Variants in HYDIN observed in about 807,000 individuals in gnomAD.
The protein encoded by HYDIN is axonemal central pair apparatus protein HYDIN.
In HYDIN, 132 loss-of-function variants were observed where a neutral mutation model predicts 403.9. The ratio of observed to expected loss-of-function variants is 0.33; its 90% CI spans 0.28 to 0.38. HYDIN has a LOEUF of 0.38. HYDIN is among the 10% of genes least tolerant of loss of function. The probability of loss-of-function intolerance (pLI) is 1.00; values close to 1 mark genes in which losing one functional copy is unlikely to be tolerated. For missense variants in HYDIN, 2,827 were observed against 5,009.5 expected (o/e 0.56, Z 13.15); for synonymous variants, 1,202 against 1,891.7 (o/e 0.64, Z 9.46).
chr16:71,134,280 G>A (rs1203692762), intron 8 of HYDIN, among the ~76,000 whole-genome samples: 2 of 151,068 alleles, frequency 1.3e-5, no homozygotes, highest in Non-Finnish European at 1.5e-5. Context: ...CATGCTTTAA[G>A]CTATGTTAAA....
rs1237307916 is a variant in HYDIN at position 70,992,229 on chromosome 16, G to T, written c.3645-19C>A. The T allele has an allele frequency of 6.5e-6, 10 of 1,527,888 alleles. No homozygotes were observed. Among genetic ancestry groups the T allele is most frequent in the Non-Finnish European group, 8.8e-6 (10 of 1,139,470 alleles). 94.6% of individuals were successfully genotyped at this position (1,527,888 alleles called of 1,614,324 possible). On this transcript the variant is annotated intron_variant, in intron 23 of 85. Coordinates refer to ENST00000393567, the MANE Select transcript of HYDIN (RefSeq NM_001270974.2). ...CACAAACCTACCAAAGCATGGGACAGGGAATAGGGGGAGACAGGAGACATC... is the reference window on the plus strand; with the variant it reads ...CACAAACCTACCAAAGCATGGGACATGGAATAGGGGGAGACAGGAGACATC...
At position 70,831,529 on chromosome 16, in the gene HYDIN, C is replaced by CAA. The variant is rs57465488; in HGVS notation, c.13899+1317_13899+1318dup. The stretch of plus-strand genomic sequence containing the variant: ...GTCTCAGAAAAAAAAAAAAAAAAAC[C>CAA]AAAAAAAAAAAAAACAAGAAACAAA... On this transcript the variant is annotated intron_variant, in intron 80 of 85. Transcript: ENST00000393567. 6.7e-3 allele frequency among the ~76,000 whole-genome samples: 612 copies of CAA among 91,406 alleles called. 5 individuals are homozygous for CAA. The highest frequency in any genetic ancestry group is 0.025 in the African/African-American group (593 of 24,034). 60.0% of individuals were successfully genotyped at this position (91,406 alleles called of 152,430 possible).
At chr16:70,954,865 C>T (rs192226200) in intron 40 of HYDIN, among the ~76,000 whole-genome samples, 158 of 152,334 alleles carry the variant, frequency 1.0e-3, no homozygotes, top group Admixed American at 2.6e-3. Context: ...TTGGCCTCAA[C>T]CTGCCTTCCC....
intron 57 of HYDIN, among the ~76,000 whole-genome samples, chr16:70,891,339 C>T (rs2041455777): frequency 6.6e-6 from 1 of 152,114 alleles, no homozygotes. Context: ...CAGGCATGTG[C>T]CACCACACTT....
chr16:71,141,655 T>A (rs2085177358), intron 7 of HYDIN, among the ~76,000 whole-genome samples: 1 of 152,170 alleles, frequency 6.6e-6, no homozygotes, highest in South Asian at 2.1e-4. Context: ...AACAGTTTTA[T>A]AATATCGTTT....
At chr16:70,840,619 A>G (rs1340610830) in intron 75 of HYDIN, among the ~76,000 whole-genome samples, 1 of 152,356 alleles carries the variant, frequency 6.6e-6, no homozygotes, top group Admixed American at 6.5e-5. Context: ...TGGCCATCAG[A>G]CATAGTTCCA....
chr16:71,137,922 C>CACACACACAT (rs1396913767), intron 7 of HYDIN, among the ~76,000 whole-genome samples: 27 of 148,812 alleles, frequency 1.8e-4, no homozygotes, highest in South Asian at 1.5e-3. Flanking sequence ...AAAAGAAACA[C>CACACACACAT]ACACACACAT....
intron 8 of HYDIN, chr16:71,132,267 T>C (rs1210522612): frequency 7.2e-4 from 15 of 20,786 alleles, no homozygotes; most frequent in Middle Eastern, 6.7e-3. Flanking sequence ...TTGCCTAACA[T>C]GCCTGCATTG....
rs373676205 is a variant in HYDIN at position 71,067,296 on chromosome 16, G to C, written c.2069C>G (p.Thr690Arg). 15 of 1,609,026 alleles carry C rather than the reference G, an allele frequency of 9.3e-6. No individual in the cohort carries two copies. Among genetic ancestry groups the C allele is most frequent in the African/African-American group, 2.7e-5 (2 of 74,570 alleles). ...IGEEVLALLI[T>R]ARCVVPALHL... ...GCAAGCTGGGGAGCAATACCTTGCT[G>C]TAATTAAGAGCGCCAGCACCTCTTC... The change falls in exon 15 of 86, where the codon ACA becomes AGA. Residue 690 changes from threonine to arginine, a missense_variant. Physicochemically the swap from Thr to Arg is moderately conservative, Grantham distance 71. Transcript: ENST00000393567.
intron 47 of HYDIN, among the ~76,000 whole-genome samples, chr16:70,910,521 G>A (rs113189205): frequency 2.2e-4 from 34 of 152,086 alleles, no homozygotes; most frequent in African/African-American, 8.2e-4. Flanking sequence ...TTTTGCAATT[G>A]TGAATTGTGC....
At chr16:71,227,049 A>C (rs1221428260) in intron 1 of HYDIN, among the ~76,000 whole-genome samples, 1 of 152,132 alleles carries the variant, frequency 6.6e-6, no homozygotes, top group Non-Finnish European at 1.5e-5. Flanking sequence ...TCAGTAACAA[A>C]ATGTTTTAAA....
At chr16:71,087,580 C>G (rs993550363) in intron 12 of HYDIN, 3 of 137,004 alleles carry the variant, frequency 2.2e-5, no homozygotes, top group African/African-American at 8.4e-5. Context: ...AACAGGGACA[C>G]TGAGGTGGAA....
At chr16:70,836,179 G>A (rs907469838) in intron 77 of HYDIN, among the ~76,000 whole-genome samples, 8 of 152,244 alleles carry the variant, frequency 5.3e-5, no homozygotes, top group African/African-American at 1.9e-4. Flanking sequence ...GTATGAGCTA[G>A]TCAGTTTCAG....
intron 9 of HYDIN, among the ~76,000 whole-genome samples, chr16:71,120,753 C>G (rs1218975186): frequency 7.0e-6 from 1 of 143,208 alleles, no homozygotes; most frequent in Non-Finnish European, 1.5e-5. Context: ...GCCCCCCTCC[C>G]AAAAAAAAAA....
At chr16:71,221,455 ACCTCTCTGAGGT>A (rs1218261014) in intron 1 of HYDIN, among the ~76,000 whole-genome samples, 1 of 151,904 alleles carries the variant, frequency 6.6e-6, no homozygotes, top group African/African-American at 2.4e-5. Context: ...TTCTCTGAGG[ACCTCTCTGAGGT>A]CCTCCTTCAT....
At chr16:70,998,488 T>C (rs929391960) in intron 23 of HYDIN, among the ~76,000 whole-genome samples, 1 of 146,478 alleles carries the variant, frequency 6.8e-6, no homozygotes, top group Admixed American at 7.0e-5. Context: ...CAATCTCATA[T>C]TTCCATTGTT....
intron 1 of HYDIN, among the ~76,000 whole-genome samples, chr16:71,213,780 C>A (rs1364030448): frequency 6.6e-6 from 1 of 151,884 alleles, no homozygotes; most frequent in Admixed American, 6.6e-5. Context: ...AGTAACTTCC[C>A]CAAACTAATA....
chr16:71,204,618 A>C (rs576496930), intron 1 of HYDIN, among the ~76,000 whole-genome samples: 14 of 152,372 alleles, frequency 9.2e-5, no homozygotes, highest in African/African-American at 3.4e-4. Flanking sequence ...AGAATTCAGT[A>C]ATGAAAACCA....
chr16:71,086,764 C>G (rs2082941419), intron 12 of HYDIN, among the ~76,000 whole-genome samples: 1 of 152,110 alleles, frequency 6.6e-6, no homozygotes, highest in Non-Finnish European at 1.5e-5. Flanking sequence ...ATCAAAGGCC[C>G]TCATGGGACT....
Sources: gnomAD v4.1 joint callset for allele counts (sites outside exome capture counted in the v4.1 genomes callset) on GRCh38, gnomAD v4.1.1 for gene constraint, MANE v1.5 for transcripts, NCBI Gene and HGNC (gene_info 2026-07-23, HGNC 2026-07-21) for gene names.